The following SHISA9 variants were observed in gnomAD, a reference collection of about 807,000 sequenced individuals.
SHISA9 encodes shisa family member 9.
SHISA9 carries 13 observed loss-of-function variants against 38.0 expected under a neutral mutation model. That is an observed-to-expected ratio of 0.34 (90% CI 0.22 to 0.54). The LOEUF is 0.54. Ranked by LOEUF, SHISA9 falls within the 20% of genes least tolerant of loss-of-function variation. SHISA9 has a pLI of 0.91. For synonymous variants in SHISA9, 275 were observed against 242.0 expected, an observed-to-expected ratio of 1.14 and a Z score of -1.27; for missense variants, 538 against 575.8, an observed-to-expected ratio of 0.93 and a Z score of 0.67.
At chr16:12,922,321 A>T (rs1228060216) in intron 2 of SHISA9, among the ~76,000 whole-genome samples, 1 of 152,208 alleles carries the variant, frequency 6.6e-6, no homozygotes, top group African/African-American at 2.4e-5. Flanking sequence ...TTAGTTCTCA[A>T]TCAACCCTCA....
chr16:13,259,228 C>T, the SHISA9 span, among the ~76,000 whole-genome samples: 5 of 152,308 alleles, frequency 3.3e-5, no homozygotes, highest in South Asian at 4.1e-4. Context: ...AGCTCTAAAA[C>T]GATCTCCTTT....
At chr16:13,294,733 G>GTCTCAA in the SHISA9 span, among the ~76,000 whole-genome samples, 1 of 152,156 alleles carries the variant, frequency 6.6e-6, no homozygotes, top group Non-Finnish European at 1.5e-5. Flanking sequence ...GAGAGCAGGG[G>GTCTCAA]TCTCAAACTC....
intron 2 of SHISA9, among the ~76,000 whole-genome samples, chr16:13,001,918 G>A (rs775731094): frequency 1.3e-4 from 20 of 152,316 alleles, no homozygotes; most frequent in Non-Finnish European, 1.5e-4. Context: ...AATGTTAAAT[G>A]TGGAAGTTAG....
chr16:13,385,008 A>T, the SHISA9 span, among the ~76,000 whole-genome samples: 1 of 152,228 alleles, frequency 6.6e-6, no homozygotes, highest in African/African-American at 2.4e-5. Flanking sequence ...TCAGAAAATG[A>T]GCAAAAGACA....
At chr16:13,350,888 T>C in the SHISA9 span, among the ~76,000 whole-genome samples, 1 of 152,180 alleles carries the variant, frequency 6.6e-6, no homozygotes, top group Non-Finnish European at 1.5e-5. Flanking sequence ...TCAGAGTAAG[T>C]AGGACTTAAT....
At chr16:13,286,272 C>G in the SHISA9 span, among the ~76,000 whole-genome samples, 1 of 152,156 alleles carries the variant, frequency 6.6e-6, no homozygotes, top group Non-Finnish European at 1.5e-5. Context: ...GCAGGACCCC[C>G]TGAGGCTGTG....
At chr16:13,202,199 A>C (rs2051012541) in intron 2 of SHISA9, among the ~76,000 whole-genome samples, 1 of 127,472 alleles carries the variant, frequency 7.8e-6, no homozygotes, top group Non-Finnish European at 1.7e-5. Context: ...GTTTCCTTAC[A>C]CTGTATTCTC....
chr16:13,006,909 G>A (rs1199715324), intron 2 of SHISA9, among the ~76,000 whole-genome samples: 1 of 152,028 alleles, frequency 6.6e-6, no homozygotes, highest in African/African-American at 2.4e-5. Flanking sequence ...TTCAGCTCAG[G>A]CTACTTCTCT....
At chr16:13,524,738 T>G in the SHISA9 span, among the ~76,000 whole-genome samples, 1 of 152,096 alleles carries the variant, frequency 6.6e-6, no homozygotes, top group East Asian at 1.9e-4. Flanking sequence ...TTTTAATTTT[T>G]TTTTTTTTTT....
At chr16:13,179,294 A>C (rs1048739367) in intron 2 of SHISA9, among the ~76,000 whole-genome samples, 3 of 152,172 alleles carry the variant, frequency 2.0e-5, no homozygotes, top group Non-Finnish European at 2.9e-5. Flanking sequence ...CCCAGGTGAC[A>C]GAGCAAGACT....
At chr16:13,161,500 C>G (rs2050594759) in intron 2 of SHISA9, among the ~76,000 whole-genome samples, 1 of 152,124 alleles carries the variant, frequency 6.6e-6, no homozygotes, top group South Asian at 2.1e-4. Flanking sequence ...GGGCATTTTT[C>G]TCATCTAAAC....
rs1475619678 is a variant in SHISA9, at chr16:13,154,410, G to A, written c.692-48984G>A. 2.0e-5 allele frequency among the ~76,000 whole-genome samples: 3 copies of A among 152,308 alleles called. No individual in the cohort carries two copies. In the East Asian group the frequency reaches 5.8e-4, roughly 29 times the overall value. On this transcript the variant is annotated intron_variant, in intron 2 of 4. Coordinates refer to ENST00000558583, the MANE Select transcript of SHISA9 (RefSeq NM_001145204.3). ...AGAGTGAAAGGTGAGCAGAAATGTA[G>A]CGGATCTCTTCTGGATGGAAGCTTT...
At chr16:13,510,275 A>C in the SHISA9 span, among the ~76,000 whole-genome samples, 2 of 152,136 alleles carry the variant, frequency 1.3e-5, no homozygotes, top group Non-Finnish European at 2.9e-5. Flanking sequence ...GCCACTATAC[A>C]CCAGCCTGGG....
the SHISA9 span, among the ~76,000 whole-genome samples, chr16:13,262,331 C>A: frequency 2.0e-5 from 3 of 152,194 alleles, no homozygotes; most frequent in African/African-American, 4.8e-5. Flanking sequence ...ACATCCTTAA[C>A]ACTCTAAATT....
chr16:13,073,862 T>G (rs933442387), intron 2 of SHISA9, among the ~76,000 whole-genome samples: 1 of 152,044 alleles, frequency 6.6e-6, no homozygotes, highest in African/African-American at 2.4e-5. Context: ...ATGGGACAGG[T>G]TCTCCTGCAG....
At chr16:13,488,576 C>T in the SHISA9 span, among the ~76,000 whole-genome samples, 2 of 152,272 alleles carry the variant, frequency 1.3e-5, no homozygotes, top group East Asian at 3.9e-4. Context: ...ATTGTTACAG[C>T]TGCCTACAGT....
At chr16:13,049,148 T>C (rs1276121742) in intron 2 of SHISA9, among the ~76,000 whole-genome samples, 1 of 147,160 alleles carries the variant, frequency 6.8e-6, no homozygotes, top group Non-Finnish European at 1.5e-5. Flanking sequence ...TAAGCTTTGG[T>C]TAGGAGTATG....
intron 2 of SHISA9, among the ~76,000 whole-genome samples, chr16:13,031,242 C>G (rs2072987512): frequency 6.6e-6 from 1 of 152,180 alleles, no homozygotes; most frequent in Non-Finnish European, 1.5e-5. Flanking sequence ...CTTGTTTTCT[C>G]TGGCCCTTGG....
At chr16:13,255,199 C>A in the SHISA9 span, among the ~76,000 whole-genome samples, 1 of 152,052 alleles carries the variant, frequency 6.6e-6, no homozygotes, top group Non-Finnish European at 1.5e-5. Flanking sequence ...CTTCATGCTC[C>A]TTTTCCTCTC....
Sources: gnomAD v4.1 joint callset for allele counts (sites outside exome capture counted in the v4.1 genomes callset) on GRCh38, gnomAD v4.1.1 for gene constraint, MANE v1.5 for transcripts, NCBI Gene and HGNC (gene_info 2026-07-23, HGNC 2026-07-21) for gene names.